IRF8: variants seen among roughly 807,000 people sequenced by gnomAD.
IRF8 encodes interferon regulatory factor 8.
IRF8 carries 14 observed loss-of-function variants against 48.7 expected under a neutral mutation model. The observed-to-expected ratio is 0.29, with a 90% confidence interval of 0.19 to 0.45. The LOEUF is 0.45. Ranked by LOEUF, IRF8 falls within the 20% of genes least tolerant of loss-of-function variation. The pLI is 1.00. For synonymous variants in IRF8, 278 were observed against 227.3 expected, an observed-to-expected ratio of 1.22 and a Z score of -2.01; for missense variants, 493 against 580.7, an observed-to-expected ratio of 0.85 and a Z score of 1.55.
chr16:85,911,027 T>C (rs1390228092), intron 3 of IRF8, among the ~76,000 whole-genome samples: 5 of 152,208 alleles, frequency 3.3e-5, no homozygotes. Context: ...GGTTTGTGAT[T>C]ACGGCTGGTG....
intron 1 of IRF8, among the ~76,000 whole-genome samples, 169 bp downstream of exon 1, chr16:85,899,392 A>G (rs776848049): frequency 4.3e-4 from 65 of 152,228 alleles, no homozygotes; most frequent in Non-Finnish European, 6.8e-4. Flanking sequence ...CCAGCCACCT[A>G]AGTCCAATCT....
At chr16:85,919,931 G>A (rs1567478223) in intron 7 of IRF8, among the ~76,000 whole-genome samples, 178 bp from the exon 8 acceptor site, 1 of 152,242 alleles carries the variant, frequency 6.6e-6, no homozygotes, top group Non-Finnish European at 1.5e-5. Context: ...ACCTGGAATG[G>A]CCAAACGAAC....
In IRF8 at chr16:85,921,382, G is replaced by A; in HGVS notation, c.*100G>A. 5 of 1,293,804 alleles carry A rather than the reference G, an allele frequency of 3.9e-6. No homozygotes were observed. Among genetic ancestry groups the A allele is most frequent in the Non-Finnish European group, 5.6e-6 (5 of 900,598 alleles). 80.1% of individuals were successfully genotyped at this position (1,293,804 alleles called of 1,614,324 possible). On this transcript the variant is annotated 3_prime_UTR_variant, in exon 9 of 9. Coordinates refer to ENST00000268638, the MANE Select transcript of IRF8 (RefSeq NM_002163.4). Reference sequence around the variant, plus strand: ...AAAGAATGTGGATCCCTCTGTCTGGGGTGGGATGCCTTACTTTGCACTTAA... The same window carrying A: ...AAAGAATGTGGATCCCTCTGTCTGGAGTGGGATGCCTTACTTTGCACTTAA...
chr16:85,909,247 C>A, intron 3 of IRF8, 74 bp downstream of exon 3: 1 of 1,232,324 alleles, frequency 8.1e-7, no homozygotes, highest in Non-Finnish European at 1.2e-6. Context: ...GAACTTGGGT[C>A]TGGGGTAGAC....
Position 85,919,831 on chromosome 16 carries a change from A to C in IRF8, c.989-278A>C, listed in dbSNP as rs550571366. On this transcript the variant is annotated intron_variant, in intron 7 of 8. Transcript: ENST00000268638. ...TGCCTCCAAGGGCCAGGCAGGTAAGAGCAATGCACGAATTGAGAGATAAGA... is the reference window on the plus strand; with the variant it reads ...TGCCTCCAAGGGCCAGGCAGGTAAGCGCAATGCACGAATTGAGAGATAAGA... Among the ~76,000 whole-genome samples the C allele has an allele frequency of 5.4e-4, 82 of 152,346 alleles. 1 individual carries two copies. The highest frequency in any genetic ancestry group is 2.2e-3 in the Admixed American group (33 of 15,312).
intron 8 of IRF8, among the ~76,000 whole-genome samples, chr16:85,920,522 GC>G (rs2143057705): frequency 6.6e-6 from 1 of 152,292 alleles, no homozygotes; most frequent in South Asian, 2.1e-4. Flanking sequence ...ACAGGCGTGA[GC>G]CACCTCGCCC....
At position 85,909,023 on chromosome 16, in the gene IRF8, G is replaced by T. The variant is rs780120102; in HGVS notation, c.208G>T (p.Gly70Trp). 6.2e-7 allele frequency: 1 copy of T among 1,614,160 alleles called. No homozygotes were observed. Among genetic ancestry groups the T allele is most frequent in the Non-Finnish European group, 8.5e-7 (1 of 1,180,020 alleles). ...WAVFKGKFKEGDKAEPATWKT... is the reference protein window; with the variant it reads ...WAVFKGKFKEWDKAEPATWKT... ...AGTTTTTAAAGGGAAGTTTAAAGAA[G>T]GGGACAAAGCTGAACCAGCCACTTG... The change falls in exon 3 of 9, where the codon GGG becomes TGG. Residue 70 changes from glycine (G) to tryptophan (W), a missense_variant. By Grantham distance (184) the Gly-to-Trp change is radical. Coordinates refer to ENST00000268638, the MANE Select transcript of IRF8 (RefSeq NM_002163.4).
In IRF8 at chr16:85,914,372, G is replaced by A. The variant is rs13331970; in HGVS notation, c.554-101G>A. 6.4e-3 allele frequency: 8,924 copies of A among 1,387,986 alleles called. 260 individuals carry two copies. The African/African-American group carries it at 0.081, about 13-fold the overall frequency. The allele number at this position is 1,387,986 out of a possible 1,614,324, so 86.0% of individuals were successfully genotyped here. ...CTCCCTGGAGCCTCTGGCACGCCAT[G>A]TGCAGCCTTTTAAGGGACTTTTGGA... On this transcript the variant is annotated intron_variant, in intron 5 of 8. Coordinates refer to ENST00000268638, the MANE Select transcript of IRF8 (RefSeq NM_002163.4).
At chr16:85,920,284 TTG>T in intron 8 of IRF8, 60 bp downstream of exon 8, 1 of 1,127,592 alleles carries the variant, frequency 8.9e-7, no homozygotes, top group Non-Finnish European at 1.3e-6. Context: ...TCTTGCTCTG[TTG>T]CCCAGGCTGG....
At chr16:85,910,285 C>T (rs898244731) in intron 3 of IRF8, among the ~76,000 whole-genome samples, 3 of 152,090 alleles carry the variant, frequency 2.0e-5, no homozygotes, top group Admixed American at 6.6e-5. Context: ...CGGTTTGGGG[C>T]GTTTGTAGCC....
chr16:85,919,663 C>G (rs1050661945), intron 7 of IRF8, among the ~76,000 whole-genome samples: 5 of 152,356 alleles, frequency 3.3e-5, no homozygotes, highest in Admixed American at 3.3e-4. Context: ...GCCCAAGATT[C>G]TACATTTCTA....
chr16:85,907,856 T>C (rs965155125), intron 2 of IRF8, among the ~76,000 whole-genome samples: 1 of 152,156 alleles, frequency 6.6e-6, no homozygotes, highest in Non-Finnish European at 1.5e-5. Context: ...CTTGCTGTGG[T>C]GGGGAAACTG....
At chr16:85,910,619 G>A (rs1022019161) in intron 3 of IRF8, among the ~76,000 whole-genome samples, 13 of 152,282 alleles carry the variant, frequency 8.5e-5, no homozygotes, top group Admixed American at 7.8e-4. Context: ...ATGGGGTGCA[G>A]CCAGCATCAC....
chr16:85,913,308 C>T lies in IRF8; in HGVS notation c.553+72C>T, dbSNP rs140328691. On this transcript the variant is annotated intron_variant, in intron 5 of 8. Transcript: ENST00000268638. The stretch of plus-strand genomic sequence containing the variant: ...TTTACGGCATTCCACCAGCCAGGGA[C>T]GGAGTGGGGGTGGTTGTTGCTATCA... The T allele has an allele frequency of 6.0e-5, 64 of 1,075,382 alleles. 1 individual carries two copies. In the East Asian group the frequency reaches 1.0e-3, roughly 17 times the overall value. The allele number at this position is 1,075,382 out of a possible 1,614,324, so 66.6% of individuals were successfully genotyped here.
intron 6 of IRF8, among the ~76,000 whole-genome samples, chr16:85,916,174 G>A (rs1279848252): frequency 6.6e-6 from 1 of 152,196 alleles, no homozygotes; most frequent in Non-Finnish European, 1.5e-5. Flanking sequence ...TACAAGCTCC[G>A]ATAATCCTCA....
At chr16:85,900,600 G>T (rs1482887714) in intron 1 of IRF8, among the ~76,000 whole-genome samples, 3 of 152,218 alleles carry the variant, frequency 2.0e-5, no homozygotes, top group Admixed American at 2.0e-4. Context: ...TGTGAAATAA[G>T]CTGCCGCTGG....
chr16:85,921,191 C>G lies in IRF8; in HGVS notation c.1190C>G (p.Pro397Arg). 1.2e-6 allele frequency: 2 copies of G among 1,614,188 alleles called. No individual in the cohort carries two copies. Among genetic ancestry groups the G allele is most frequent in the South Asian group, 1.1e-5 (1 of 91,084 alleles). The change falls in exon 9 of 9, where the codon CCG becomes CGG. Residue 397 changes from proline to arginine, a missense_variant. Physicochemically the swap from Pro to Arg is moderately radical, Grantham distance 103. Coordinates refer to ENST00000268638, the MANE Select transcript of IRF8 (RefSeq NM_002163.4). ...AGSVMQAPEE[P>R]PPDQVFRMFP... ...TCTGTGATGCAGGCCCCCGAGGAGC[C>G]GCCGCCAGACCAGGTCTTCCGGATG...
intron 5 of IRF8, 114 bp downstream of exon 5, chr16:85,913,350 A>T: frequency 1.3e-6 from 1 of 783,498 alleles, no homozygotes; most frequent in South Asian, 1.4e-5. Flanking sequence ...ATGTCTCATT[A>T]AAGGTAGCTC....
At chr16:85,899,506 C>T (rs1904754438) in intron 1 of IRF8, among the ~76,000 whole-genome samples, 2 of 152,144 alleles carry the variant, frequency 1.3e-5, no homozygotes, top group South Asian at 4.2e-4. Context: ...ACATGGAAAA[C>T]GTTAGGAGAG....
Sources: allele counts gnomAD v4.1 joint callset (sites outside exome capture counted in the v4.1 genomes callset), GRCh38; gene constraint gnomAD v4.1.1; transcripts MANE v1.5; gene names NCBI Gene and HGNC (gene_info 2026-07-23, HGNC 2026-07-21).